GAGE12J: variants seen among roughly 807,000 people sequenced by gnomAD.
GAGE12J encodes the protein G antigen 12J.
In GAGE12J, 5 loss-of-function variants were observed where a neutral mutation model predicts 8.5. That is an observed-to-expected ratio of 0.59 (90% CI 0.31 to 1.24). The LOEUF (loss-of-function observed/expected upper bound fraction) is 1.24. Among genes scored for constraint, GAGE12J ranks in the 50% most tolerant of loss-of-function variants. GAGE12J has a pLI of 0.06. For synonymous variants in GAGE12J, 10 were observed against 19.2 expected (o/e 0.52, Z 1.25); for missense variants, 26 against 63.0 (o/e 0.41, Z 1.99).
intron 1 of GAGE12J, among the ~76,000 whole-genome samples, chrX:49,322,820 G>T (rs1429424113): frequency 2.9e-4 from 26 of 90,055 alleles, no homozygotes; most frequent in African/African-American, 4.2e-4. Flanking sequence ...CGCCTACGTA[G>T]TCCCAGTTAC....
chrX:49,325,588 C>T (rs1260209631), intron 3 of GAGE12J, among the ~76,000 whole-genome samples: 18 of 79,774 alleles, frequency 2.3e-4, no homozygotes, highest in African/African-American at 5.5e-4. Flanking sequence ...GCTGCCCACA[C>T]ACTCACACAC....
Position 49,322,503 on chromosome X carries a change from G to C in GAGE12J, c.-9+359G>C, listed in dbSNP as rs1327806719. ...GAGGCGGGCGGTGAAGAAGGGGCCT[G>C]GCACCTGGGAAGGCTGCGGCCTGGT... On this transcript the variant is annotated intron_variant, in intron 1 of 4. Coordinates refer to ENST00000442437, the MANE Select transcript of GAGE12J (RefSeq NM_001098406.4). Among the ~76,000 whole-genome samples the C allele has an allele frequency of 9.6e-5, 10 of 104,222 alleles. 1 individual carries two copies. The highest frequency in any genetic ancestry group is 1.6e-4 in the Non-Finnish European group (8 of 48,687). The allele number at this position is 104,222 out of a possible 115,157, so 90.5% of individuals were successfully genotyped here.
Position 49,323,289 on chromosome X carries a change from A to T in GAGE12J, c.84+12A>T. Reference sequence around the variant, plus strand: ...TTGGGCCTATGCGGGTGAGTGCTTGAACGTTAATTCGATGTTTTCTATTAG... The same window carrying T: ...TTGGGCCTATGCGGGTGAGTGCTTGTACGTTAATTCGATGTTTTCTATTAG... On this transcript the variant is annotated intron_variant, in intron 2 of 4. Transcript: ENST00000442437. 8.8e-7 allele frequency: 1 copy of T among 1,141,439 alleles called. No individual in the cohort carries two copies. 94.1% of individuals were successfully genotyped at this position (1,141,439 alleles called of 1,213,427 possible). A position where few individuals can be genotyped will look rare whatever the true frequency, so the allele number is the denominator to read the frequency against.
At chrX:49,322,373 C>T (rs868959121) in intron 1 of GAGE12J, among the ~76,000 whole-genome samples, 16 of 107,597 alleles carry the variant, frequency 1.5e-4, no homozygotes, top group Middle Eastern at 4.8e-3. Context: ...GTCAGGGGCT[C>T]AGGTGAAGAT....
At chrX:49,322,486 C>T (rs1184553916) in intron 1 of GAGE12J, among the ~76,000 whole-genome samples, 5 of 105,309 alleles carry the variant, frequency 4.7e-5, no homozygotes, top group East Asian at 5.9e-4. Context: ...GCGAGGCGGG[C>T]GGTGAAGAAG....
At chrX:49,322,482 C>T (rs1379863728) in intron 1 of GAGE12J, among the ~76,000 whole-genome samples, 5 of 105,813 alleles carry the variant, frequency 4.7e-5, no homozygotes, top group African/African-American at 1.0e-4. Flanking sequence ...GGGGGCGAGG[C>T]GGGCGGTGAA....
chrX:49,323,448 G>T (rs1330783561), intron 2 of GAGE12J, among the ~76,000 whole-genome samples, 171 bp downstream of exon 2: 1 of 96,281 alleles, frequency 1.0e-5, no homozygotes, highest in African/African-American at 3.6e-5. Flanking sequence ...TTTTCCTCTC[G>T]TGTTCTTCAG....
chrX:49,328,093 T>A (rs2066450919), intron 4 of GAGE12J, among the ~76,000 whole-genome samples: 1 of 70,166 alleles, frequency 1.4e-5, no homozygotes. Flanking sequence ...CTTTTTTTTC[T>A]TTTATTTATT....
rs201089717 is a variant in GAGE12J at position 49,323,204 on chromosome X, G to C, written c.11G>C (p.Arg4Pro). The C allele has an allele frequency of 8.3e-5, 94 of 1,133,742 alleles. 4 individuals are homozygous for C. Among genetic ancestry groups the C allele is most frequent in the Non-Finnish European group, 1.1e-4 (90 of 834,675 alleles). 93.4% of individuals were successfully genotyped at this position (1,133,742 alleles called of 1,213,427 possible). The stretch of plus-strand genomic sequence containing the variant: ...TTTTCAGTGTGAAATATGAGTTGGC[G>C]AGGAAGATCGACCTATTATTGGCCT... MSW[R>P]GRSTYYWPRP... Residue 4 changes from arginine to proline, a missense_variant, in exon 2 of 5, where the codon CGA (arginine) becomes CCA (proline). This residue lies in a region of GAGE12J where 26 missense variants were observed against 21.9 expected (regional missense o/e 1.19). Transcript: ENST00000442437.
At position 49,323,205 on chromosome X, in the gene GAGE12J, A is replaced by C. The variant is rs782459592; in HGVS notation, c.12A>C (p.Arg4=). 19 of 1,137,470 alleles carry C rather than the reference A, an allele frequency of 1.7e-5. 2 individuals are homozygous for C. Among genetic ancestry groups the C allele is most frequent in the Non-Finnish European group, 2.3e-5 (19 of 835,925 alleles). 93.7% of individuals were successfully genotyped at this position (1,137,470 alleles called of 1,213,427 possible). ...TTTCAGTGTGAAATATGAGTTGGCG[A>C]GGAAGATCGACCTATTATTGGCCTA... MSW[R]GRSTYYWPRP... The change falls in exon 2 of 5, where the codon CGA becomes CGC. Residue 4 remains arginine, a synonymous_variant. Coordinates refer to ENST00000442437, the MANE Select transcript of GAGE12J (RefSeq NM_001098406.4).
chrX:49,323,190 A>C lies in GAGE12J; in HGVS notation c.-4A>C, dbSNP rs1569531688. The C allele has an allele frequency of 8.8e-7, 1 of 1,133,254 alleles. No homozygotes were observed. Among genetic ancestry groups the C allele is most frequent in the Non-Finnish European group, 1.2e-6 (1 of 833,134 alleles). 93.4% of individuals were successfully genotyped at this position (1,133,254 alleles called of 1,213,427 possible). On this transcript the variant is annotated 5_prime_UTR_variant, in exon 2 of 5. Coordinates refer to ENST00000442437, the MANE Select transcript of GAGE12J (RefSeq NM_001098406.4). ...ATCACGGTTGTCTGTTTTCAGTGTG[A>C]AATATGAGTTGGCGAGGAAGATCGA...
chrX:49,323,947 T>A, intron 3 of GAGE12J, 84 bp downstream of exon 3: 1 of 1,171,275 alleles, frequency 8.5e-7, no homozygotes, highest in Non-Finnish European at 1.1e-6. Context: ...TGTGTGTGTG[T>A]GTGTGTGTGT....
chrX:49,323,139 G>C, intron 1 of GAGE12J, 47 bp from the exon 2 acceptor site: 2 of 1,062,643 alleles, frequency 1.9e-6, no homozygotes. Context: ...ATCGAATATA[G>C]CAGCCCTGTG....
Position 49,323,281 on chromosome X carries a change from A to T in GAGE12J, c.84+4A>T, listed in dbSNP as rs185996184. 2 of 1,143,881 alleles carry T rather than the reference A, an allele frequency of 1.7e-6. No homozygotes were observed. Among genetic ancestry groups the T allele is most frequent in the East Asian group, 3.0e-5 (1 of 33,248 alleles). 94.3% of individuals were successfully genotyped at this position (1,143,881 alleles called of 1,213,427 possible). A position where few individuals can be genotyped will look rare whatever the true frequency, so the allele number is the denominator to read the frequency against. On this transcript the variant is annotated splice_donor_region_variant and intron_variant, in intron 2 of 4. Transcript: ENST00000442437. ...TGAAATGATTGGGCCTATGCGGGTG[A>T]GTGCTTGAACGTTAATTCGATGTTT...
chrX:49,328,223 C>A (rs1437990079), intron 4 of GAGE12J, among the ~76,000 whole-genome samples: 1 of 71,438 alleles, frequency 1.4e-5, no homozygotes, highest in Non-Finnish European at 3.5e-5. Context: ...CATCATCTAG[C>A]ATTAGGTACA....
At chrX:49,328,097 A>C (rs1274876445) in intron 4 of GAGE12J, among the ~76,000 whole-genome samples, 1 of 69,062 alleles carries the variant, frequency 1.4e-5, no homozygotes, top group African/African-American at 3.9e-5. Context: ...TTTTTCTTTT[A>C]TTTATTTATT....
rs1274876445 is a variant in GAGE12J at position 49,328,097 on chromosome X, A to T, written c.332-1174A>T. On this transcript the variant is annotated intron_variant, in intron 4 of 4. Transcript: ENST00000442437. Reference sequence around the variant, plus strand: ...AACAATTGCTTCTTTTTTTTCTTTTATTTATTTATTTATTTATTTATTGTT... The same window carrying T: ...AACAATTGCTTCTTTTTTTTCTTTTTTTTATTTATTTATTTATTTATTGTT... Among the ~76,000 whole-genome samples, 17 of 69,087 alleles carry T rather than the reference A, an allele frequency of 2.5e-4. 4 individuals are homozygous for T. In the Admixed American group the frequency reaches 2.7e-3, roughly 11 times the overall value. 60.0% of individuals were successfully genotyped at this position (69,087 alleles called of 115,157 possible). A position where few individuals can be genotyped will look rare whatever the true frequency, so the allele number is the denominator to read the frequency against.
intron 3 of GAGE12J, among the ~76,000 whole-genome samples, chrX:49,325,428 A>T (rs1466339997): frequency 9.5e-6 from 1 of 105,734 alleles, no homozygotes; most frequent in Admixed American, 1.0e-4. Context: ...ATTCTTTTAA[A>T]TTTTTACTGT....
intron 1 of GAGE12J, among the ~76,000 whole-genome samples, chrX:49,322,370 G>T (rs1284176170): frequency 9.3e-5 from 10 of 107,616 alleles, no homozygotes; most frequent in East Asian, 2.9e-4. Context: ...GCGGTCAGGG[G>T]CTCAGGTGAA....
Sources: allele counts gnomAD v4.1 joint callset (sites outside exome capture counted in the v4.1 genomes callset), GRCh38; gene constraint gnomAD v4.1.1; regional missense constraint gnomAD v4.1.1; transcripts MANE v1.5; gene names NCBI Gene and HGNC (gene_info 2026-07-23, HGNC 2026-07-21).